The following MTHFD2L variants were observed in gnomAD, a reference collection of about 807,000 sequenced individuals.
MTHFD2L encodes the protein bifunctional methylenetetrahydrofolate dehydrogenase/cyclohydrolase 2, mitochondrial.
In MTHFD2L, 29 loss-of-function variants were observed where a neutral mutation model predicts 34.9. The ratio of observed to expected loss-of-function variants is 0.83; its 90% CI spans 0.62 to 1.13. MTHFD2L has a LOEUF of 1.13. Ranked by LOEUF, MTHFD2L falls within the 50% of genes most tolerant of loss-of-function variation. The probability of loss-of-function intolerance (pLI) is 0.00; values close to 1 mark genes in which losing one functional copy is unlikely to be tolerated. For synonymous variants in MTHFD2L, 167 were observed against 155.7 expected (o/e 1.07, Z -0.54); for missense variants, 481 against 446.5 (o/e 1.08, Z -0.70).
chr4:74,116,647 T>C (rs1214282091), intron 2 of MTHFD2L, among the ~76,000 whole-genome samples: 1 of 152,242 alleles, frequency 6.6e-6, no homozygotes, highest in African/African-American at 2.4e-5. Context: ...CATTGTTTTT[T>C]AAATTATCTA....
intron 7 of MTHFD2L, among the ~76,000 whole-genome samples, chr4:74,296,388 A>T (rs912677058): frequency 6.6e-6 from 1 of 152,062 alleles, no homozygotes; most frequent in South Asian, 2.1e-4. Context: ...ATGGCCACAC[A>T]TTTATTTTGT....
intron 5 of MTHFD2L, among the ~76,000 whole-genome samples, chr4:74,205,951 G>T (rs1735222029): frequency 6.6e-6 from 1 of 152,028 alleles, no homozygotes; most frequent in South Asian, 2.1e-4. Context: ...AAAACTCATG[G>T]CTAATTGAGG....
intron 1 of MTHFD2L, chr4:74,161,985 TAATA>T (rs1410747236): frequency 2.0e-5 from 3 of 152,232 alleles, no homozygotes; most frequent in East Asian, 3.8e-4. Context: ...AAATGATTAG[TAATA>T]AATGAGATTT....
chr4:74,285,868 T>G (rs1472853658), intron 7 of MTHFD2L, among the ~76,000 whole-genome samples: 1 of 152,134 alleles, frequency 6.6e-6, no homozygotes, highest in Non-Finnish European at 1.5e-5. Context: ...CCATAATCAC[T>G]TCTACATGAT....
chr4:74,217,882 G>A (rs747531776), intron 5 of MTHFD2L, among the ~76,000 whole-genome samples: 1 of 152,094 alleles, frequency 6.6e-6, no homozygotes, highest in Non-Finnish European at 1.5e-5. Context: ...ATATTTAAAG[G>A]GGAATTGAAG....
intron 6 of MTHFD2L, chr4:74,268,156 G>C: frequency 1.0e-6 from 1 of 983,648 alleles, no homozygotes; most frequent in Non-Finnish European, 1.2e-6. Flanking sequence ...AATAACAGGA[G>C]GATACCTGGG....
At chr4:74,216,746 TTCTC>T (rs759118919) in intron 5 of MTHFD2L, among the ~76,000 whole-genome samples, 1 of 151,796 alleles carries the variant, frequency 6.6e-6, no homozygotes, top group Non-Finnish European at 1.5e-5. Flanking sequence ...ACTTCTCTCT[TTCTC>T]TTACATCCTT....
intron 6 of MTHFD2L, among the ~76,000 whole-genome samples, chr4:74,244,567 A>C (rs954288797): frequency 6.6e-6 from 1 of 152,176 alleles, no homozygotes; most frequent in African/African-American, 2.4e-5. Flanking sequence ...TAATTTTTAT[A>C]TTGTATAATG....
chr4:74,153,876 A>G (rs1724091358), upstream of MTHFD2L, among the ~76,000 whole-genome samples: 1 of 152,216 alleles, frequency 6.6e-6, no homozygotes, highest in African/African-American at 2.4e-5. Flanking sequence ...ATTATATGAT[A>G]AAATGAATCT....
intron 3 of MTHFD2L, among the ~76,000 whole-genome samples, chr4:74,187,645 T>C (rs1461109895): frequency 6.6e-6 from 1 of 152,030 alleles, no homozygotes; most frequent in Non-Finnish European, 1.5e-5. Context: ...GGAGGGATAG[T>C]AACCATCATG....
Position 74,218,287 on chromosome 4 carries a change from C to T in MTHFD2L, c.713-7015C>T, listed in dbSNP as rs544907036. ...ATGGCTGTAGAGTTGCATAGGAAAA[C>T]ATCTTACTATAGGAGTAAAAGACAC... On this transcript the variant is annotated intron_variant, in intron 5 of 7. Coordinates refer to ENST00000325278, the MANE Select transcript of MTHFD2L (RefSeq NM_001144978.3). Among the ~76,000 whole-genome samples the T allele has an allele frequency of 5.3e-5, 8 of 152,124 alleles. No homozygotes were observed. The South Asian group carries it at 1.7e-3, about 32-fold the overall frequency.
chr4:74,228,672 C>T (rs1411003450), intron 6 of MTHFD2L, among the ~76,000 whole-genome samples: 1 of 152,084 alleles, frequency 6.6e-6, no homozygotes, highest in East Asian at 1.9e-4. Flanking sequence ...TTTATCCTCT[C>T]TAGCTTTCTT....
intron 7 of MTHFD2L, among the ~76,000 whole-genome samples, chr4:74,293,120 A>G (rs1017181120): frequency 6.6e-6 from 1 of 152,044 alleles, no homozygotes; most frequent in Non-Finnish European, 1.5e-5. Flanking sequence ...TAGGTATACA[A>G]GTGTCATGGT....
At chr4:74,179,567 G>A (rs1277204931) in intron 3 of MTHFD2L, among the ~76,000 whole-genome samples, 1 of 152,006 alleles carries the variant, frequency 6.6e-6, no homozygotes, top group Non-Finnish European at 1.5e-5. Context: ...AATTTATAAT[G>A]TGGCTTTGTG....
chr4:74,124,899 GT>G (rs1721964303), upstream of MTHFD2L, among the ~76,000 whole-genome samples: 1 of 151,938 alleles, frequency 6.6e-6, no homozygotes, highest in Admixed American at 6.6e-5. Context: ...TTCTGTACAT[GT>G]AGACTGTTTA....
Position 74,225,173 on chromosome 4 carries a change from A to G in MTHFD2L, c.713-129A>G, listed in dbSNP as rs1400124296. On this transcript the variant is annotated intron_variant, in intron 5 of 7. Coordinates refer to ENST00000325278, the MANE Select transcript of MTHFD2L (RefSeq NM_001144978.3). ...GTTTTCTTGTATAGCTTTTGTGCTC[A>G]AAGTGATTTAGTCATGTCAAAGTAG... The G allele has an allele frequency of 5.8e-6, 4 of 691,352 alleles. No homozygotes were observed. The Admixed American group carries it at 1.2e-4, about 21-fold the overall frequency. 42.8% of individuals were successfully genotyped at this position (691,352 alleles called of 1,614,324 possible).
rs772183605 is a variant in MTHFD2L at position 74,174,506 on chromosome 4, A to AT, written c.144_145insT (p.His49SerfsTer2). On this transcript the variant is annotated frameshift_variant and splice_region_variant, in exon 2 of 8. Coordinates refer to ENST00000325278, the MANE Select transcript of MTHFD2L (RefSeq NM_001144978.3). LOFTEE classifies it high-confidence loss of function. ...GTATTTATTGTTTTGCTTTCCACAG[A>AT]CATGAAGCCATTATTATATCAGGAA... 38 of 1,513,830 alleles carry AT rather than the reference A, an allele frequency of 2.5e-5. 1 individual carries two copies. In the South Asian group the frequency reaches 5.0e-4, roughly 20 times the overall value. The allele number at this position is 1,513,830 out of a possible 1,614,324, so 93.8% of individuals were successfully genotyped here.
rs1578275739 is a variant in MTHFD2L at position 74,158,171 on chromosome 4, C to T, written c.33C>T (p.Leu11=). The change falls in exon 1 of 8, where the codon CTC becomes CTT. Residue 11 remains leucine, a synonymous_variant. Coordinates refer to ENST00000325278, the MANE Select transcript of MTHFD2L (RefSeq NM_001144978.3). The part of the protein sequence containing the change: MTVPVRGFSL[L]RGRLGRAPAL... ...TGCCGGTCCGCGGCTTCTCGCTGCT[C>T]CGCGGCCGCCTTGGCCGAGCGCCGG... The T allele has an allele frequency of 1.3e-6, 2 of 1,528,726 alleles. No individual in the cohort carries two copies. Among genetic ancestry groups the T allele is most frequent in the South Asian group, 1.2e-5 (1 of 81,330 alleles). 94.7% of individuals were successfully genotyped at this position (1,528,726 alleles called of 1,614,324 possible).
intron 2 of MTHFD2L, 135 bp from the exon 3 acceptor site, chr4:74,175,146 A>C (rs552535089): frequency 1.1e-6 from 1 of 943,682 alleles, no homozygotes; most frequent in South Asian, 1.9e-5. Context: ...ACTATTGGAG[A>C]AATCCTTCCT....
Sources: allele counts gnomAD v4.1 joint callset (sites outside exome capture counted in the v4.1 genomes callset), GRCh38; gene constraint gnomAD v4.1.1; transcripts MANE v1.5; gene names NCBI Gene and HGNC (gene_info 2026-07-23, HGNC 2026-07-21).